RNF150: variants seen among roughly 807,000 people sequenced by gnomAD.
RNF150 encodes ring finger protein 150.
In RNF150, 24 loss-of-function variants were observed where a neutral mutation model predicts 39.3. The observed-to-expected ratio is 0.61, with a 90% CI of 0.44 to 0.86. RNF150 has a LOEUF of 0.86. RNF150 is among the 40% of genes least tolerant of loss of function. The probability of loss-of-function intolerance (pLI) is 0.00; values close to 1 mark genes in which losing one functional copy is unlikely to be tolerated. For synonymous variants in RNF150, 255 were observed against 227.3 expected (o/e 1.12, Z -1.10); for missense variants, 502 against 587.8 (o/e 0.85, Z 1.51).
rs373992212 is a variant in RNF150 at position 141,036,273 on chromosome 4, T to TA, written c.485-68401dup. 1.5e-3 allele frequency among the ~76,000 whole-genome samples: 227 copies of TA among 152,304 alleles called. 2 individuals carry two copies. The highest frequency in any genetic ancestry group is 5.0e-3 in the African/African-American group (209 of 41,574). On this transcript the variant is annotated intron_variant, in intron 1 of 6. Transcript: ENST00000515673. The stretch of plus-strand genomic sequence containing the variant: ...ATGTTTTGGGCCTATAATAGGTACT[T>TA]AAGATTTGTTGAATGGATAGGCAAA...
intron 1 of RNF150, among the ~76,000 whole-genome samples, chr4:140,992,556 G>A (rs1028314448): frequency 6.6e-6 from 1 of 152,144 alleles, no homozygotes; most frequent in Non-Finnish European, 1.5e-5. Context: ...GGAGAGAGGA[G>A]AGGCACTACA....
At chr4:141,158,288 CCAAAAACAAAAA>C (rs558636687) in intron 1 of RNF150, among the ~76,000 whole-genome samples, 30 of 152,054 alleles carry the variant, frequency 2.0e-4, no homozygotes, top group East Asian at 1.4e-3. Context: ...AAAATTCCAT[CCAAAAACAAAAA>C]CAAAAACAAA....
intron 1 of RNF150, among the ~76,000 whole-genome samples, chr4:141,027,928 T>G (rs1735777325): frequency 1.1e-5 from 1 of 88,434 alleles, no homozygotes; most frequent in African/African-American, 5.2e-5. Flanking sequence ...TTTTTTTTGT[T>G]TTTTTTTTTT....
chr4:141,097,073 T>C (rs750269202), intron 1 of RNF150, among the ~76,000 whole-genome samples: 2 of 152,226 alleles, frequency 1.3e-5, no homozygotes, highest in Non-Finnish European at 2.9e-5. Context: ...ACTGTCTTCA[T>C]GTGGTTTTAT....
intron 1 of RNF150, among the ~76,000 whole-genome samples, chr4:141,113,233 G>A (rs541185474): frequency 6.6e-6 from 1 of 151,188 alleles, no homozygotes; most frequent in East Asian, 2.0e-4. Flanking sequence ...CTGTCAATTT[G>A]TCAAGACCCA....
At chr4:140,882,166 C>A (rs187269018) in intron 6 of RNF150, among the ~76,000 whole-genome samples, 2 of 151,950 alleles carry the variant, frequency 1.3e-5, no homozygotes, top group East Asian at 3.9e-4. Context: ...ACTACAGGCA[C>A]CCGCCACTAC....
Position 141,023,544 on chromosome 4 carries a change from G to A in RNF150, c.485-55671C>T, listed in dbSNP as rs527587086. On this transcript the variant is annotated intron_variant, in intron 1 of 6. Coordinates refer to ENST00000515673, the MANE Select transcript of RNF150 (RefSeq NM_020724.2). The stretch of plus-strand genomic sequence containing the variant: ...GCTGGGATTACAGGCGTGAGTCTCC[G>A]CACCTGGCTGAAATTAATTTTTTAT... 4.4e-5 allele frequency among the ~76,000 whole-genome samples: 5 copies of A among 114,518 alleles called. No individual in the cohort carries two copies. The South Asian group carries it at 1.5e-3, about 34-fold the overall frequency. The allele number at this position is 114,518 out of a possible 152,430, so 75.1% of individuals were successfully genotyped here.
chr4:141,069,993 T>C (rs1199500589), intron 1 of RNF150, among the ~76,000 whole-genome samples: 1 of 152,168 alleles, frequency 6.6e-6, no homozygotes, highest in Non-Finnish European at 1.5e-5. Context: ...ATTTTGTTGA[T>C]CCTTTCAAAA....
chr4:141,144,595 A>T (rs1160422306), intron 1 of RNF150, among the ~76,000 whole-genome samples: 2 of 151,828 alleles, frequency 1.3e-5, no homozygotes, highest in Non-Finnish European at 2.9e-5. Context: ...TAGGAGCATG[A>T]ATGCTCTTAG....
At chr4:141,108,997 G>A (rs551082237) in intron 1 of RNF150, among the ~76,000 whole-genome samples, 95 of 152,198 alleles carry the variant, frequency 6.2e-4, no homozygotes, top group African/African-American at 2.1e-3. Context: ...CATCTATAAA[G>A]TCAGAATAAT....
At chr4:140,971,250 G>C (rs1053133601) in intron 1 of RNF150, among the ~76,000 whole-genome samples, 4 of 151,962 alleles carry the variant, frequency 2.6e-5, no homozygotes, top group Admixed American at 2.6e-4. Flanking sequence ...GCTTCTGTGG[G>C]TGGGTGTGAG....
At chr4:141,075,418 T>C (rs933243082) in intron 1 of RNF150, among the ~76,000 whole-genome samples, 4 of 152,246 alleles carry the variant, frequency 2.6e-5, no homozygotes, top group African/African-American at 4.8e-5. Context: ...ACTTTCAAAA[T>C]GTAGCAATAG....
rs565886421 is a variant in RNF150 at position 141,093,137 on chromosome 4, C to T, written c.484+39188G>A. Among the ~76,000 whole-genome samples the T allele has an allele frequency of 8.7e-4, 133 of 152,092 alleles. 2 individuals carry two copies. The highest frequency in any genetic ancestry group is 3.1e-3 in the African/African-American group (128 of 41,494). On this transcript the variant is annotated intron_variant, in intron 1 of 6. Transcript: ENST00000515673. ...ATCCCAGCACTTTGGGAGGCCAAGGCGGGTAGATTACAAGGTCAGGAGATC... is the reference window on the plus strand; with the variant it reads ...ATCCCAGCACTTTGGGAGGCCAAGGTGGGTAGATTACAAGGTCAGGAGATC...
intron 1 of RNF150, among the ~76,000 whole-genome samples, chr4:141,061,134 T>C (rs548725391): frequency 2.0e-4 from 30 of 150,624 alleles, no homozygotes; most frequent in African/African-American, 6.8e-4. Flanking sequence ...AGTTAAAGTA[T>C]AATAATAAAA....
At chr4:141,159,536 T>C (rs895455717) in intron 1 of RNF150, among the ~76,000 whole-genome samples, 1 of 152,010 alleles carries the variant, frequency 6.6e-6, no homozygotes, top group Admixed American at 6.6e-5. Context: ...TTTTTTGTTT[T>C]TGTTGTTTTT....
chr4:141,144,452 G>C (rs1727169100), intron 1 of RNF150, among the ~76,000 whole-genome samples: 1 of 152,186 alleles, frequency 6.6e-6, no homozygotes, highest in African/African-American at 2.4e-5. Context: ...GTCTGGGCCT[G>C]AGTTACTGTT....
At chr4:141,036,095 T>C (rs1362156936) in intron 1 of RNF150, among the ~76,000 whole-genome samples, 1 of 152,126 alleles carries the variant, frequency 6.6e-6, no homozygotes, top group African/African-American at 2.4e-5. Flanking sequence ...CAAAAGTACA[T>C]AAATGTGACA....
intron 1 of RNF150, among the ~76,000 whole-genome samples, chr4:141,039,367 A>T (rs544062887): frequency 6.7e-6 from 1 of 149,826 alleles, no homozygotes; most frequent in Non-Finnish European, 1.5e-5. Flanking sequence ...GGGAGGAAGG[A>T]GGTAGAGAAA....
intron 1 of RNF150, among the ~76,000 whole-genome samples, chr4:141,063,090 T>C (rs568938976): frequency 1.3e-5 from 2 of 152,250 alleles, no homozygotes; most frequent in Non-Finnish European, 2.9e-5. Context: ...ATAGATGAGA[T>C]TCTACTTTGT....
Sources: gnomAD v4.1 joint callset for allele counts (sites outside exome capture counted in the v4.1 genomes callset) on GRCh38, gnomAD v4.1.1 for gene constraint, MANE v1.5 for transcripts, NCBI Gene and HGNC (gene_info 2026-07-23, HGNC 2026-07-21) for gene names.